SPIDR: variants seen among roughly 807,000 people sequenced by gnomAD.
The protein encoded by SPIDR is scaffold protein involved in DNA repair, also known as DNA repair-scaffolding protein.
A neutral mutation model predicts 104.6 loss-of-function variants in SPIDR; 93 were observed. That is an observed-to-expected ratio of 0.89 (90% confidence interval 0.75 to 1.06). The LOEUF (loss-of-function observed/expected upper bound fraction) is 1.06. SPIDR is among the 50% of genes least tolerant of loss of function. The probability of loss-of-function intolerance (pLI) is 0.00; values close to 1 mark genes in which losing one functional copy is unlikely to be tolerated. For synonymous variants in SPIDR, 431 were observed against 416.9 expected, an observed-to-expected ratio of 1.03 and a Z score of -0.41; for missense variants, 1,154 against 1,111.2, an observed-to-expected ratio of 1.04 and a Z score of -0.55.
intron 6 of SPIDR, among the ~76,000 whole-genome samples, chr8:47,406,129 A>C (rs1367736361): frequency 6.6e-6 from 1 of 151,996 alleles, no homozygotes; most frequent in Non-Finnish European, 1.5e-5. Flanking sequence ...AGCATTGAAA[A>C]GCAACATTTG....
rs149400750 is a variant in SPIDR at position 47,720,191 on chromosome 8, C to T, written c.2341+6550C>T. Among the ~76,000 whole-genome samples the T allele has an allele frequency of 2.6e-4, 39 of 152,320 alleles. No homozygotes were observed. The East Asian group carries it at 5.2e-3, about 20-fold the overall frequency. ...TCCACATCTTTTCATGGCTTGATAG[C>T]GCATTTCTTTTTAGCACTGAATAGT... On this transcript the variant is annotated intron_variant, in intron 16 of 19. Transcript: ENST00000297423.
chr8:47,684,498 C>G (rs1484629752), intron 11 of SPIDR, among the ~76,000 whole-genome samples: 4 of 152,156 alleles, frequency 2.6e-5, no homozygotes, highest in Non-Finnish European at 4.4e-5. Context: ...TTTAAATTTG[C>G]TGGTTGATTG....
At chr8:47,451,224 C>A (rs887897649) in intron 8 of SPIDR, among the ~76,000 whole-genome samples, 4 of 152,088 alleles carry the variant, frequency 2.6e-5, no homozygotes, top group African/African-American at 4.8e-5. Flanking sequence ...AGTAAAGATA[C>A]TGAAATTATT....
At position 47,658,544 on chromosome 8, in the gene SPIDR, CTGTTGTTGTTGTTGT is replaced by C. The variant is rs10584346; in HGVS notation, c.1545-15228_1545-15214del. On this transcript the variant is annotated intron_variant, in intron 10 of 19. Transcript: ENST00000297423. The stretch of plus-strand genomic sequence containing the variant: ...CCAAGCTTGCAGCAGGGTTTTGTTA[CTGTTGTTGTTGTTGT>C]TGTTGTTGTTGTTGTTGTTGTTGTT... 5.6e-3 allele frequency among the ~76,000 whole-genome samples: 835 copies of C among 148,576 alleles called. 3 individuals carry two copies. Among genetic ancestry groups the C allele is most frequent in the African/African-American group, 0.02 (790 of 40,276 alleles).
intron 5 of SPIDR, among the ~76,000 whole-genome samples, chr8:47,314,524 TCA>T (rs1284645365): frequency 1.3e-5 from 2 of 152,226 alleles, no homozygotes; most frequent in African/African-American, 4.8e-5. Context: ...AACATGTCCT[TCA>T]CAGGGTGGCA....
At chr8:47,465,607 T>C (rs2074637835) in intron 8 of SPIDR, among the ~76,000 whole-genome samples, 2 of 152,112 alleles carry the variant, frequency 1.3e-5, no homozygotes, top group African/African-American at 4.8e-5. Context: ...TGGTGACATA[T>C]GTCTGTAATC....
chr8:47,700,522 C>A, intron 12 of SPIDR, 32 bp downstream of exon 12: 1 of 1,608,700 alleles, frequency 6.2e-7, no homozygotes, highest in South Asian at 1.1e-5. Context: ...CTTCCCCAGT[C>A]ACAGACTACT....
At chr8:47,583,991 C>T (rs2154414684) in intron 8 of SPIDR, among the ~76,000 whole-genome samples, 1 of 152,318 alleles carries the variant, frequency 6.6e-6, no homozygotes, top group East Asian at 1.9e-4. Flanking sequence ...TCCGCTGTGT[C>T]ACAAGTGGTC....
intron 5 of SPIDR, among the ~76,000 whole-genome samples, chr8:47,340,044 T>C (rs2050449133): frequency 6.6e-6 from 1 of 152,198 alleles, no homozygotes; most frequent in South Asian, 2.1e-4. Context: ...TTTCCATAAA[T>C]GTATTATAGA....
rs374417493 is a variant in SPIDR at position 47,311,230 on chromosome 8, G to A, written c.525+17200G>A. Reference sequence around the variant, plus strand: ...TAGGAAAAGAAAAGGAGTCATTGAAGTTGTTGGATTCATAGAAGTTATTCT... The same window carrying A: ...TAGGAAAAGAAAAGGAGTCATTGAAATTGTTGGATTCATAGAAGTTATTCT... On this transcript the variant is annotated intron_variant, in intron 5 of 19. Coordinates refer to ENST00000297423, the MANE Select transcript of SPIDR (RefSeq NM_001080394.4). Among the ~76,000 whole-genome samples, 59 of 152,284 alleles carry A rather than the reference G, an allele frequency of 3.9e-4. 1 individual carries two copies. In the South Asian group the frequency reaches 5.2e-3, roughly 13 times the overall value.
chr8:47,465,359 A>T (rs1554716327), intron 8 of SPIDR, among the ~76,000 whole-genome samples: 1 of 152,198 alleles, frequency 6.6e-6, no homozygotes, highest in African/African-American at 2.4e-5. Context: ...AGATCCACAC[A>T]TATCAATACG....
intron 8 of SPIDR, among the ~76,000 whole-genome samples, chr8:47,568,254 G>A (rs562646381): frequency 1.8e-4 from 28 of 152,136 alleles, no homozygotes; most frequent in African/African-American, 6.3e-4. Flanking sequence ...AATCTACCTC[G>A]GTTTATCTGT....
intron 8 of SPIDR, among the ~76,000 whole-genome samples, chr8:47,481,144 T>C (rs117122109): frequency 1.3e-5 from 2 of 152,238 alleles, no homozygotes; most frequent in Non-Finnish European, 2.9e-5. Context: ...TGTGAGGTGC[T>C]GCTGTCTTCT....
intron 10 of SPIDR, among the ~76,000 whole-genome samples, chr8:47,658,029 C>CAAAAAAAAAAAAAAAAAAAAAAAA (rs34648437): frequency 1.3e-5 from 1 of 76,040 alleles, no homozygotes; most frequent in African/African-American, 5.0e-5. Context: ...GACCCTGTCT[C>CAAAAAAAAAAAAAAAAAAAAAAAA]AAAAAAAAAA....
At chr8:47,553,405 T>G (rs1014873490) in intron 8 of SPIDR, among the ~76,000 whole-genome samples, 4 of 152,256 alleles carry the variant, frequency 2.6e-5, no homozygotes, top group Non-Finnish European at 5.9e-5. Context: ...TTTGGTCTTT[T>G]CACATAGTCC....
chr8:47,286,949 A>C (rs1327635005), intron 3 of SPIDR, among the ~76,000 whole-genome samples: 2 of 152,016 alleles, frequency 1.3e-5, no homozygotes, highest in East Asian at 3.9e-4. Context: ...TATTGGGGGA[A>C]CCCGCCCCCA....
At chr8:47,320,934 G>A (rs1030713781) in intron 5 of SPIDR, among the ~76,000 whole-genome samples, 1 of 152,130 alleles carries the variant, frequency 6.6e-6, no homozygotes, top group Non-Finnish European at 1.5e-5. Context: ...ATTAGGTATT[G>A]ATGGGACGTA....
chr8:47,468,292 G>C (rs1166589812), intron 8 of SPIDR, among the ~76,000 whole-genome samples: 7 of 152,170 alleles, frequency 4.6e-5, no homozygotes, highest in African/African-American at 1.7e-4. Flanking sequence ...GTAATTTACA[G>C]ATTTCAATAC....
At chr8:47,460,687 T>G (rs1235514994) in intron 8 of SPIDR, among the ~76,000 whole-genome samples, 2 of 152,222 alleles carry the variant, frequency 1.3e-5, no homozygotes, top group Non-Finnish European at 2.9e-5. Flanking sequence ...GTTTCATTCA[T>G]CATGCTATTT....
Sources: gnomAD v4.1 joint callset for allele counts (sites outside exome capture counted in the v4.1 genomes callset) on GRCh38, gnomAD v4.1.1 for gene constraint, MANE v1.5 for transcripts, NCBI Gene and HGNC (gene_info 2026-07-23, HGNC 2026-07-21) for gene names.